SMYD3: variants seen among roughly 807,000 people sequenced by gnomAD.
The protein encoded by SMYD3 is SET and MYND domain containing 3, also known as histone-lysine N-methyltransferase SMYD3.
Under a neutral mutation model 57.7 loss-of-function variants are expected in SMYD3, and 36 were observed. That is an observed-to-expected ratio of 0.62 (90% confidence interval 0.48 to 0.82). SMYD3 has a LOEUF of 0.82. Ranked by LOEUF, SMYD3 falls within the 40% of genes least tolerant of loss-of-function variation. SMYD3 has a pLI of 0.00. For synonymous variants in SMYD3, 211 were observed against 195.0 expected (o/e 1.08, Z -0.68); for missense variants, 515 against 538.8 (o/e 0.96, Z 0.44).
chr1:246,292,625 A>C (rs1386505711), intron 5 of SMYD3, among the ~76,000 whole-genome samples: 1 of 152,254 alleles, frequency 6.6e-6, no homozygotes. Flanking sequence ...CCAGCACAGC[A>C]CAATATAAAT....
At chr1:245,822,664 A>T (rs1395470360) in intron 10 of SMYD3, among the ~76,000 whole-genome samples, 2 of 152,040 alleles carry the variant, frequency 1.3e-5, no homozygotes, top group African/African-American at 4.8e-5. Context: ...CACGATGCTA[A>T]CTTCCTCCGC....
rs542183010 is a variant in SMYD3 at position 245,839,425 on chromosome 1, T to C, written c.1076+19071A>G. Among the ~76,000 whole-genome samples, 451 of 152,112 alleles carry C rather than the reference T, an allele frequency of 3.0e-3. 2 individuals carry two copies. The highest frequency in any genetic ancestry group is 9.8e-3 in the African/African-American group (408 of 41,482). The stretch of plus-strand genomic sequence containing the variant: ...ACCTCGTGATCCGCCCACCTCGGCC[T>C]CCCAAAGTGCTGGGATTACAGGCAT... On this transcript the variant is annotated intron_variant, in intron 10 of 11. Coordinates refer to ENST00000490107, the MANE Select transcript of SMYD3 (RefSeq NM_001167740.2).
intron 11 of SMYD3, among the ~76,000 whole-genome samples, chr1:245,758,223 T>C (rs2045691389): frequency 6.6e-6 from 1 of 152,220 alleles, no homozygotes; most frequent in African/African-American, 2.4e-5. Context: ...CAACTGATTT[T>C]TGTGTGTTGA....
intron 5 of SMYD3, among the ~76,000 whole-genome samples, chr1:246,230,957 TCA>T (rs1219691464): frequency 1.3e-5 from 2 of 152,256 alleles, no homozygotes; most frequent in African/African-American, 4.8e-5. Flanking sequence ...AGTATCTCTC[TCA>T]GTTACTCAGT....
At chr1:246,287,363 T>C in intron 5 of SMYD3, among the ~76,000 whole-genome samples, 1 of 152,344 alleles carries the variant, frequency 6.6e-6, no homozygotes, top group South Asian at 2.1e-4. Context: ...TTTAAAAAGC[T>C]TTTGTAGTAA....
At chr1:246,411,356 A>G (rs2066964881) in intron 1 of SMYD3, among the ~76,000 whole-genome samples, 1 of 152,228 alleles carries the variant, frequency 6.6e-6, no homozygotes, top group Non-Finnish European at 1.5e-5. Flanking sequence ...GAGAAGTAGG[A>G]ACACTTGTAC....
chr1:245,768,125 C>G (rs1038447073), intron 10 of SMYD3, among the ~76,000 whole-genome samples: 1 of 152,156 alleles, frequency 6.6e-6, no homozygotes, highest in African/African-American at 2.4e-5. Flanking sequence ...CAAAATCATT[C>G]AACAAGGCAG....
At chr1:246,447,775 T>C (rs1023196900) in intron 1 of SMYD3, among the ~76,000 whole-genome samples, 4 of 152,214 alleles carry the variant, frequency 2.6e-5, no homozygotes, top group Non-Finnish European at 4.4e-5. Flanking sequence ...TTAATTGCCA[T>C]GTAATCATCA....
intron 7 of SMYD3, among the ~76,000 whole-genome samples, chr1:245,923,171 C>G (rs776926011): frequency 6.6e-6 from 1 of 151,884 alleles, no homozygotes; most frequent in African/African-American, 2.4e-5. Flanking sequence ...TAAAATGTTT[C>G]GTTTGTGATA....
At chr1:246,135,124 C>T (rs114192073) in intron 5 of SMYD3, among the ~76,000 whole-genome samples, 135 of 152,054 alleles carry the variant, frequency 8.9e-4, no homozygotes, top group African/African-American at 3.2e-3. Context: ...CAAAAACTGG[C>T]TCTTTTTCTG....
At chr1:246,201,738 C>T (rs745729724) in intron 5 of SMYD3, among the ~76,000 whole-genome samples, 13 of 152,160 alleles carry the variant, frequency 8.5e-5, no homozygotes, top group Non-Finnish European at 1.8e-4. Context: ...TCAGGCCAGG[C>T]GCGGTGGCTC....
chr1:245,997,414 A>G (rs1407001395), intron 5 of SMYD3, among the ~76,000 whole-genome samples: 1 of 152,246 alleles, frequency 6.6e-6, no homozygotes, highest in East Asian at 1.9e-4. Context: ...GCTGGGAGAC[A>G]CAGAAGACAT....
intron 5 of SMYD3, among the ~76,000 whole-genome samples, chr1:246,089,230 C>T (rs1330030316): frequency 1.3e-5 from 2 of 152,146 alleles, no homozygotes; most frequent in African/African-American, 4.8e-5. Context: ...CCTCCCGCCT[C>T]AGCCTCCCAA....
At chr1:245,920,880 C>G (rs985218888) in intron 7 of SMYD3, among the ~76,000 whole-genome samples, 1 of 152,084 alleles carries the variant, frequency 6.6e-6, no homozygotes. Flanking sequence ...CGTCAGCTTT[C>G]GGAAAGAACA....
At chr1:246,291,032 G>A (rs901534149) in intron 5 of SMYD3, among the ~76,000 whole-genome samples, 12 of 137,700 alleles carry the variant, frequency 8.7e-5, no homozygotes, top group East Asian at 5.3e-4. Context: ...GCTTTTAAGC[G>A]TGATAAAAAA....
At chr1:245,976,952 T>C (rs372506068) in intron 5 of SMYD3, among the ~76,000 whole-genome samples, 598 of 25,834 alleles carry the variant, frequency 0.023, 14 homozygotes, top group Non-Finnish European at 0.036. Context: ...CCATCGTCTC[T>C]AGCCTAGGGA....
At chr1:246,130,435 A>C (rs971768311) in intron 5 of SMYD3, among the ~76,000 whole-genome samples, 1 of 152,210 alleles carries the variant, frequency 6.6e-6, no homozygotes, top group African/African-American at 2.4e-5. Context: ...AAGACCATTT[A>C]TGCTAAAACA....
intron 5 of SMYD3, among the ~76,000 whole-genome samples, chr1:246,090,019 T>C (rs2060794113): frequency 6.6e-6 from 1 of 152,118 alleles, no homozygotes; most frequent in African/African-American, 2.4e-5. Flanking sequence ...CTGTTCTTTT[T>C]CTCCCTCTGT....
At chr1:245,798,870 C>T (rs947234731) in intron 10 of SMYD3, among the ~76,000 whole-genome samples, 3 of 152,150 alleles carry the variant, frequency 2.0e-5, no homozygotes, top group Admixed American at 2.0e-4. Context: ...ACCCCTCAGC[C>T]CAGCCTTGCT....
Sources: gnomAD v4.1 joint callset for allele counts (sites outside exome capture counted in the v4.1 genomes callset) on GRCh38, gnomAD v4.1.1 for gene constraint, MANE v1.5 for transcripts, NCBI Gene and HGNC (gene_info 2026-07-23, HGNC 2026-07-21) for gene names.